CDKL2: variants seen among roughly 807,000 people sequenced by gnomAD.
CDKL2 encodes cyclin-dependent kinase-like 2.
A neutral mutation model predicts 63.9 loss-of-function variants in CDKL2; 64 were observed. The ratio of observed to expected loss-of-function variants is 1.00; its 90% confidence interval spans 0.82 to 1.23. The LOEUF (loss-of-function observed/expected upper bound fraction) is 1.23. Ranked by LOEUF, CDKL2 falls within the 50% of genes most tolerant of loss-of-function variation. The pLI, the probability that CDKL2 is intolerant of heterozygous loss-of-function variation, is 0.00. For missense variants in CDKL2, 656 were observed against 668.0 expected, an observed-to-expected ratio of 0.98 and a Z score of 0.20; for synonymous variants, 211 against 229.2, an observed-to-expected ratio of 0.92 and a Z score of 0.72.
At chr4:75,620,056 C>T (rs1730091497) in intron 2 of CDKL2, among the ~76,000 whole-genome samples, 3 of 152,098 alleles carry the variant, frequency 2.0e-5, no homozygotes, top group Admixed American at 2.0e-4. Context: ...CATGGTGGCA[C>T]ATGCCTGTAG....
At chr4:75,587,958 T>C (rs555470133) in intron 12 of CDKL2, among the ~76,000 whole-genome samples, 27 of 141,490 alleles carry the variant, frequency 1.9e-4, no homozygotes, top group African/African-American at 5.8e-4. Flanking sequence ...CTCACACCTG[T>C]AATCCCAGCA....
chr4:75,622,734 A>AACAAC (rs1560594792), intron 2 of CDKL2, among the ~76,000 whole-genome samples: 2 of 148,636 alleles, frequency 1.3e-5, no homozygotes, highest in African/African-American at 5.0e-5. Flanking sequence ...AAAAAAAAAA[A>AACAAC]AAAAAAAAAA....
chr4:75,596,033 AAAGG>A lies in CDKL2; in HGVS notation c.1416+210_1416+213del, dbSNP rs1387669542. ...GGAAGGAAGGAAGGAAGGAAGGAAGAAAGGAAGGAAGGAGTTTTTAGACTCATAA... is the reference window on the plus strand; with the variant it reads ...GGAAGGAAGGAAGGAAGGAAGGAAGAAAGGAAGGAGTTTTTAGACTCATAA... On this transcript the variant is annotated intron_variant, in intron 10 of 13. Coordinates refer to ENST00000307465, the MANE Select transcript of CDKL2 (RefSeq NM_001330724.2). The A allele has an allele frequency of 4.7e-4, 16 of 33,958 alleles. 1 individual carries two copies. The highest frequency in any genetic ancestry group is 3.4e-3 in the African/African-American group (14 of 4,178). 2.1% of individuals were successfully genotyped at this position (33,958 alleles called of 1,614,324 possible). A position where few individuals can be genotyped will look rare whatever the true frequency, so the allele number is the denominator to read the frequency against.
chr4:75,614,106 C>T (rs1401707337), intron 3 of CDKL2, 149 bp downstream of exon 3: 8 of 524,836 alleles, frequency 1.5e-5, no homozygotes, highest in Admixed American at 3.9e-5. Context: ...AAATATTTAA[C>T]TCCAATTAAT....
At chr4:75,591,703 T>C in intron 12 of CDKL2, 116 bp downstream of exon 12, 3 of 634,730 alleles carry the variant, frequency 4.7e-6, no homozygotes, top group South Asian at 2.4e-5. Flanking sequence ...CAAAATGTTA[T>C]AGATCCCACC....
rs149406090 is a variant in CDKL2 at position 75,614,496 on chromosome 4, A to G, written c.169-47T>C. ...TAGCTGTTATTTAAAAATGCAAAAT[A>G]GTTTATATAAACTAAGATCAAATTA... On this transcript the variant is annotated intron_variant, in intron 2 of 13. Coordinates refer to ENST00000307465, the MANE Select transcript of CDKL2 (RefSeq NM_001330724.2). 2.7e-3 allele frequency: 3,214 copies of G among 1,201,244 alleles called. 10 individuals carry two copies. The highest frequency in any genetic ancestry group is 3.3e-3 in the Non-Finnish European group (2,789 of 847,542). The allele number at this position is 1,201,244 out of a possible 1,614,324, so 74.4% of individuals were successfully genotyped here.
At chr4:75,580,103 C>G (rs1197228381) in intron 13 of CDKL2, among the ~76,000 whole-genome samples, 1 of 152,146 alleles carries the variant, frequency 6.6e-6, no homozygotes, top group Admixed American at 6.5e-5. Context: ...GAAACCCCAT[C>G]TCTACTAAAT....
intron 2 of CDKL2, among the ~76,000 whole-genome samples, chr4:75,625,269 G>A (rs1730348786): frequency 6.6e-6 from 1 of 152,026 alleles, no homozygotes; most frequent in South Asian, 2.1e-4. Context: ...TAGGGCAGTT[G>A]TCTCACAAAT....
intron 3 of CDKL2, 25 bp from the exon 4 acceptor site, chr4:75,607,386 G>C (rs762947975): frequency 1.3e-6 from 2 of 1,579,814 alleles, no homozygotes; most frequent in African/African-American, 2.7e-5. Context: ...GAGTGTGACG[G>C]ATGTTAAATA....
Position 75,598,108 on chromosome 4 carries a change from A to T in CDKL2, c.989T>A (p.Leu330Ter), listed in dbSNP as rs1729020908. Reference sequence around the variant, plus strand: ...CACAAGTGTTTTTCTTTCTTCAACTAAGGAATCATCTTTTTCTTTTTCCTT... The same window carrying T: ...CACAAGTGTTTTTCTTTCTTCAACTTAGGAATCATCTTTTTCTTTTTCCTT... ...RKKEKEKDDS[L>*]VEERKTLVVQ... The change falls in exon 8 of 14, where the codon TTA (leucine) becomes TAA (stop). Residue 330 changes from leucine to a stop codon, truncating the protein, a stop_gained. Transcript: ENST00000307465. LOFTEE classifies it high-confidence loss of function. 6.5e-7 allele frequency: 1 copy of T among 1,549,282 alleles called. No individual in the cohort carries two copies. Among genetic ancestry groups the T allele is most frequent in the African/African-American group, 1.4e-5 (1 of 72,776 alleles).
chr4:75,587,073 TAACTATACTGATCAAGAAAA>T (rs1728509585), intron 12 of CDKL2, among the ~76,000 whole-genome samples: 4 of 152,168 alleles, frequency 2.6e-5, no homozygotes, highest in Admixed American at 2.6e-4. Flanking sequence ...GACAAACTCC[TAACTATACTGATCAAGAAAA>T]AGAAAGTGAA....
chr4:75,627,582 T>G (rs1483352652), intron 1 of CDKL2, among the ~76,000 whole-genome samples: 1 of 152,168 alleles, frequency 6.6e-6, no homozygotes, highest in Non-Finnish European at 1.5e-5. Flanking sequence ...GAATTTAGTT[T>G]TAATAAAGAT....
intron 3 of CDKL2, among the ~76,000 whole-genome samples, chr4:75,608,711 AGGCCGCACGCAGT>A (rs1317147723): frequency 6.6e-6 from 1 of 151,986 alleles, no homozygotes; most frequent in Non-Finnish European, 1.5e-5. Context: ...AAAAATCAAT[AGGCCGCACGCAGT>A]GGCTCAAGCC....
rs1422924711 is a variant in CDKL2, at chr4:75,576,703, C to T, written c.*2499G>A. ...ATAGAGGAGGACTTAGAAAACAAAT[C>T]GATCACATTTTTCAGTCTAGTCTGA... On this transcript the variant is annotated 3_prime_UTR_variant, in exon 14 of 14. Coordinates refer to ENST00000307465, the MANE Select transcript of CDKL2 (RefSeq NM_001330724.2). Among the ~76,000 whole-genome samples the T allele has an allele frequency of 6.6e-6, 1 of 152,156 alleles. No homozygotes were observed. The highest frequency in any genetic ancestry group is 2.4e-5 in the African/African-American group (1 of 41,438).
At chr4:75,596,030 AAGAAAGGAAGGAAGGAGT>A in intron 10 of CDKL2, 199 bp downstream of exon 10, 2 of 50,312 alleles carry the variant, frequency 4.0e-5, no homozygotes, top group Non-Finnish European at 7.1e-5. Flanking sequence ...GGAAGGAAGG[AAGAAAGGAAGGAAGGAGT>A]TTTTAGACTC....
At position 75,603,809 on chromosome 4, in the gene CDKL2, A is replaced by G. The variant is rs1486342406; in HGVS notation, c.795+8T>C. 4 of 1,585,932 alleles carry G rather than the reference A, an allele frequency of 2.5e-6. No homozygotes were observed. The African/African-American group carries it at 4.1e-5, about 16-fold the overall frequency. Reference sequence around the variant, plus strand: ...CTGTCATAAAGTGTAAACAATAAGTATGATTACCTTTGCTAAATCTATCAC... The same window carrying G: ...CTGTCATAAAGTGTAAACAATAAGTGTGATTACCTTTGCTAAATCTATCAC... On this transcript the variant is annotated splice_region_variant and intron_variant, in intron 6 of 13. Coordinates refer to ENST00000307465, the MANE Select transcript of CDKL2 (RefSeq NM_001330724.2).
chr4:75,605,761 G>T, intron 4 of CDKL2, 127 bp from the exon 5 acceptor site: 1 of 573,978 alleles, frequency 1.7e-6, no homozygotes, highest in Admixed American at 3.2e-5. Flanking sequence ...CAGATTCTCA[G>T]ATTTGGCATG....
intron 4 of CDKL2, among the ~76,000 whole-genome samples, chr4:75,606,951 C>T (rs1729446595): frequency 6.6e-6 from 1 of 152,110 alleles, no homozygotes; most frequent in Non-Finnish European, 1.5e-5. Context: ...TATTTCCAAC[C>T]CACTGTATAA....
intron 2 of CDKL2, among the ~76,000 whole-genome samples, chr4:75,620,638 A>C (rs1730113725): frequency 6.6e-6 from 1 of 152,228 alleles, no homozygotes. Flanking sequence ...AAACCCAGAA[A>C]AGTGAGCCAG....
Sources: gnomAD v4.1 joint callset for allele counts (sites outside exome capture counted in the v4.1 genomes callset) on GRCh38, gnomAD v4.1.1 for gene constraint, MANE v1.5 for transcripts, NCBI Gene and HGNC (gene_info 2026-07-23, HGNC 2026-07-21) for gene names.